Variants in PLCB4 observed in about 807,000 individuals in gnomAD.
The protein encoded by PLCB4 is phospholipase C beta 4.
A neutral mutation model predicts 178.8 loss-of-function variants in PLCB4; 77 were observed. That is an observed-to-expected ratio of 0.43 (90% CI 0.36 to 0.52). PLCB4 has a LOEUF of 0.52. Ranked by LOEUF, PLCB4 falls within the 20% of genes least tolerant of loss-of-function variation. The pLI is 0.00. For missense variants in PLCB4, 1,024 were observed against 1,453.4 expected (o/e 0.70, Z 4.80); for synonymous variants, 496 against 490.8 (o/e 1.01, Z -0.14).
At chr20:9,382,402 C>T (rs965709242) in intron 13 of PLCB4, among the ~76,000 whole-genome samples, 2 of 152,306 alleles carry the variant, frequency 1.3e-5, no homozygotes, top group South Asian at 4.1e-4. Context: ...CCCTTTGAAA[C>T]CCTCCAAAGG....
intron 25 of PLCB4, among the ~76,000 whole-genome samples, 153 bp from the exon 26 acceptor site, chr20:9,419,654 C>T (rs1358556939): frequency 2.6e-5 from 4 of 152,160 alleles, no homozygotes; most frequent in Non-Finnish European, 2.9e-5. Context: ...TGCATAAGGG[C>T]GGGCACATTC....
At chr20:9,262,394 C>T (rs2094307202) in intron 3 of PLCB4, among the ~76,000 whole-genome samples, 1 of 152,076 alleles carries the variant, frequency 6.6e-6, no homozygotes, top group South Asian at 2.1e-4. Flanking sequence ...TCCTGGATGC[C>T]TTCTGCAGGC....
intron 14 of PLCB4, among the ~76,000 whole-genome samples, chr20:9,387,168 C>T (rs1403486617): frequency 1.3e-5 from 2 of 151,852 alleles, no homozygotes; most frequent in Non-Finnish European, 2.9e-5. Context: ...ACGCCCGGCC[C>T]CCAAATTGTC....
intron 7 of PLCB4, among the ~76,000 whole-genome samples, chr20:9,351,344 G>C (rs1362956145): frequency 6.6e-6 from 1 of 151,930 alleles, no homozygotes; most frequent in African/African-American, 2.4e-5. Flanking sequence ...CTATTCAGCT[G>C]TTTCCTAAAC....
At chr20:9,081,864 A>G (rs2090165896) in intron 1 of PLCB4, among the ~76,000 whole-genome samples, 1 of 151,746 alleles carries the variant, frequency 6.6e-6, no homozygotes, top group Non-Finnish European at 1.5e-5. Context: ...TGGTCATTGA[A>G]AAGTAGCAGA....
rs573084578 is a variant in PLCB4 at position 9,201,198 on chromosome 20, T to C, written c.-78-16192T>C. On this transcript the variant is annotated intron_variant, in intron 2 of 39. Coordinates refer to ENST00000378473, the MANE Select transcript of PLCB4 (RefSeq NM_001377142.1). ...ATTATGTAATGTTACTGGTATAATT[T>C]TGTGTTTTCTAAATATTAAATGCTC... Among the ~76,000 whole-genome samples, 64 of 152,332 alleles carry C rather than the reference T, an allele frequency of 4.2e-4. 1 individual carries two copies. Among genetic ancestry groups the C allele is most frequent in the African/African-American group, 1.3e-3 (56 of 41,578 alleles).
intron 3 of PLCB4, among the ~76,000 whole-genome samples, chr20:9,291,777 A>G (rs1405773926): frequency 1.3e-5 from 2 of 152,172 alleles, no homozygotes; most frequent in African/African-American, 4.8e-5. Context: ...TTACTTTCAG[A>G]TCATGGGGCA....
intron 2 of PLCB4, among the ~76,000 whole-genome samples, chr20:9,143,173 A>G (rs1178575383): frequency 6.6e-6 from 1 of 152,010 alleles, no homozygotes; most frequent in Non-Finnish European, 1.5e-5. Context: ...TTTTTCCTCC[A>G]TAACCTTTAG....
At chr20:9,171,579 G>T (rs2093064610) in intron 2 of PLCB4, among the ~76,000 whole-genome samples, 1 of 152,070 alleles carries the variant, frequency 6.6e-6, no homozygotes, top group African/African-American at 2.4e-5. Context: ...GAGAGGAAAG[G>T]ACAGAACAAG....
chr20:9,260,632 G>A (rs1888812208), intron 3 of PLCB4, among the ~76,000 whole-genome samples: 2 of 152,062 alleles, frequency 1.3e-5, no homozygotes, highest in African/African-American at 4.8e-5. Flanking sequence ...TGATATATAT[G>A]TGTGTATATA....
chr20:9,371,966 T>C (rs941048222), intron 10 of PLCB4, among the ~76,000 whole-genome samples: 1 of 152,200 alleles, frequency 6.6e-6, no homozygotes, highest in African/African-American at 2.4e-5. Context: ...TTATTCAGCA[T>C]CCCTCAGGCA....
chr20:9,293,065 T>G, intron 3 of PLCB4, among the ~76,000 whole-genome samples: 1 of 142,096 alleles, frequency 7.0e-6, no homozygotes, highest in African/African-American at 2.6e-5. Context: ...GGTGACAGAG[T>G]GAGATTCAAG....
intron 2 of PLCB4, among the ~76,000 whole-genome samples, chr20:9,145,081 A>C (rs1283736361): frequency 6.6e-6 from 1 of 152,082 alleles, no homozygotes; most frequent in Non-Finnish European, 1.5e-5. Flanking sequence ...TTCTGTCCTC[A>C]TTAAAGAGGA....
At chr20:9,406,579 C>G (rs571992867) in intron 21 of PLCB4, among the ~76,000 whole-genome samples, 1 of 151,878 alleles carries the variant, frequency 6.6e-6, no homozygotes, top group Non-Finnish European at 1.5e-5. Flanking sequence ...AGCTCTGCCC[C>G]CCGGGTTCAC....
chr20:9,126,798 GA>G (rs2092126857), intron 2 of PLCB4, among the ~76,000 whole-genome samples: 1 of 135,906 alleles, frequency 7.4e-6, no homozygotes, highest in South Asian at 2.4e-4. Flanking sequence ...TTTGAGGTCT[GA>G]AAAAAGTCTA....
intron 16 of PLCB4, among the ~76,000 whole-genome samples, chr20:9,390,207 T>C (rs1400284640): frequency 2.0e-5 from 3 of 152,192 alleles, no homozygotes; most frequent in Non-Finnish European, 4.4e-5. Flanking sequence ...AAATACTTGT[T>C]CCAAATAAAA....
Position 9,339,028 on chromosome 20 carries a change from AGTAACTAAG to A in PLCB4, c.364_369+3del. On this transcript the variant is annotated inframe_deletion and splice_region_variant, in exon 7 of 40. Coordinates refer to ENST00000378473, the MANE Select transcript of PLCB4 (RefSeq NM_001377142.1). ...CCTACATGGTGGCTGAAAATCCAGA[AGTAACTAAG>A]GTAGCTTCAGTTAAATGGCCTCCTT... The A allele has an allele frequency of 6.2e-7, 1 of 1,612,864 alleles. No individual in the cohort carries two copies.
chr20:9,288,971 A>G (rs573938902), intron 3 of PLCB4, among the ~76,000 whole-genome samples: 5 of 152,176 alleles, frequency 3.3e-5, no homozygotes, highest in African/African-American at 1.2e-4. Context: ...GCCAAAATAT[A>G]CCTTAATTAT....
rs149668245 is a variant in PLCB4 at position 9,212,409 on chromosome 20, C to T, written c.-78-4981C>T. On this transcript the variant is annotated intron_variant, in intron 2 of 39. Coordinates refer to ENST00000378473, the MANE Select transcript of PLCB4 (RefSeq NM_001377142.1). The stretch of plus-strand genomic sequence containing the variant: ...GAATATTGAATATCTTGGGGGAGGA[C>T]ATCACATGCTAGTCTTTTTGTGTTC... 3.3e-5 allele frequency among the ~76,000 whole-genome samples: 5 copies of T among 152,286 alleles called. No homozygotes were observed. The East Asian group carries it at 7.7e-4, about 23-fold the overall frequency.
Sources: gnomAD v4.1 joint callset for allele counts (sites outside exome capture counted in the v4.1 genomes callset) on GRCh38, gnomAD v4.1.1 for gene constraint, MANE v1.5 for transcripts, NCBI Gene and HGNC (gene_info 2026-07-23, HGNC 2026-07-21) for gene names.